Variants in ADGB observed in about 807,000 individuals in gnomAD.
ADGB encodes calpain-7-like protein.
Under a neutral mutation model 210.5 loss-of-function variants are expected in ADGB, and 172 were observed. That is an observed-to-expected ratio of 0.82 (90% CI 0.72 to 0.93). The LOEUF (loss-of-function observed/expected upper bound fraction) is 0.93. Ranked by LOEUF, ADGB falls within the 40% of genes least tolerant of loss-of-function variation. The pLI, the probability that ADGB is intolerant of heterozygous loss-of-function variation, is 0.00. For synonymous variants in ADGB, 658 were observed against 662.7 expected (o/e 0.99, Z 0.11); for missense variants, 2,025 against 1,964.8 (o/e 1.03, Z -0.58).
At chr6:146,696,147 C>T (rs1039596186) in intron 12 of ADGB, among the ~76,000 whole-genome samples, 9 of 151,684 alleles carry the variant, frequency 5.9e-5, no homozygotes, top group African/African-American at 2.2e-4. Context: ...GCAATCTTGG[C>T]TCACTGCAAC....
At position 146,700,893 on chromosome 6, in the gene ADGB, A is replaced by G. The variant is rs1282184426; in HGVS notation, c.1578-48A>G. On this transcript the variant is annotated intron_variant, in intron 12 of 35. Coordinates refer to ENST00000397944, the MANE Select transcript of ADGB (RefSeq NM_024694.4). ...ATGCAGTTATTTATTAATAACTTTA[A>G]ACAGAAGATCAAAATAACAGAAGTT... 2.6e-6 allele frequency: 4 copies of G among 1,525,750 alleles called. No homozygotes were observed. In the South Asian group the frequency reaches 3.7e-5, roughly 14 times the overall value. 94.5% of individuals were successfully genotyped at this position (1,525,750 alleles called of 1,614,324 possible).
chr6:146,606,848 T>C (rs976556153), intron 1 of ADGB, among the ~76,000 whole-genome samples: 15 of 152,160 alleles, frequency 9.9e-5, no homozygotes, highest in Non-Finnish European at 2.1e-4. Context: ...GCCTCCAGCT[T>C]TGTTCTTTTT....
intron 8 of ADGB, among the ~76,000 whole-genome samples, chr6:146,674,147 T>A (rs893834857): frequency 2.6e-5 from 4 of 152,080 alleles, no homozygotes; most frequent in Non-Finnish European, 4.4e-5. Context: ...TTACAATTTG[T>A]GATATGGAGG....
At chr6:146,738,550 C>G (rs756222877) in intron 23 of ADGB, among the ~76,000 whole-genome samples, 1 of 147,918 alleles carries the variant, frequency 6.8e-6, no homozygotes, top group Non-Finnish European at 1.5e-5. Context: ...CCTGGGTTCA[C>G]GCCATTCTCC....
At chr6:146,802,756 G>A (rs1736396866) in intron 35 of ADGB, 1 of 1,578,734 alleles carries the variant, frequency 6.3e-7, no homozygotes, top group African/African-American at 1.4e-5. Flanking sequence ...GTTCAGGGAT[G>A]TTTTGAAAAA....
At chr6:146,781,183 A>AG (rs1777794189) in intron 29 of ADGB, among the ~76,000 whole-genome samples, 1 of 146,364 alleles carries the variant, frequency 6.8e-6, no homozygotes, top group Non-Finnish European at 1.5e-5. Context: ...AAAAAAAAAA[A>AG]AAAAAAAAAA....
chr6:146,772,656 AATTT>A (rs1256501098), intron 29 of ADGB, among the ~76,000 whole-genome samples: 9 of 147,862 alleles, frequency 6.1e-5, no homozygotes, highest in Non-Finnish European at 1.0e-4. Context: ...TATTTGCCTA[AATTT>A]ATTTATTATA....
At chr6:146,690,193 G>T (rs144373189) in intron 10 of ADGB, among the ~76,000 whole-genome samples, 2 of 152,254 alleles carry the variant, frequency 1.3e-5, no homozygotes, top group East Asian at 3.9e-4. Flanking sequence ...GCAGTTTCCA[G>T]TTGAAGTAAT....
Position 146,625,424 on chromosome 6 carries a change from T to C in ADGB, c.75-9951T>C, listed in dbSNP as rs367787173. Among the ~76,000 whole-genome samples the C allele has an allele frequency of 7.2e-5, 11 of 152,236 alleles. No homozygotes were observed. In the East Asian group the frequency reaches 1.9e-3, roughly 27 times the overall value. On this transcript the variant is annotated intron_variant, in intron 1 of 35. Coordinates refer to ENST00000397944, the MANE Select transcript of ADGB (RefSeq NM_024694.4). ...ATATATTTTTTCATTCTTTTATTAT[T>C]GACATCTTTATAAAGTAGATTTCCT...
At chr6:146,800,763 C>A (rs2114664502) in intron 33 of ADGB, among the ~76,000 whole-genome samples, 1 of 152,174 alleles carries the variant, frequency 6.6e-6, no homozygotes, top group East Asian at 1.9e-4. Context: ...TAAAAAAAAT[C>A]TATTTATATC....
chr6:146,735,895 T>G (rs1347958974), intron 22 of ADGB, among the ~76,000 whole-genome samples: 1 of 152,208 alleles, frequency 6.6e-6, no homozygotes, highest in Non-Finnish European at 1.5e-5. Context: ...CTGATGAATC[T>G]TGTATTCTAG....
chr6:146,652,085 C>A (rs998854680), intron 3 of ADGB, among the ~76,000 whole-genome samples: 7 of 152,096 alleles, frequency 4.6e-5, no homozygotes, highest in Admixed American at 2.0e-4. Flanking sequence ...ATTAGGATGT[C>A]TGAAGATTTA....
chr6:146,790,418 C>T (rs1292238312), intron 33 of ADGB, among the ~76,000 whole-genome samples: 1 of 152,120 alleles, frequency 6.6e-6, no homozygotes, highest in Non-Finnish European at 1.5e-5. Flanking sequence ...TTTTTAGATT[C>T]CACATATAAA....
At chr6:146,808,276 A>G (rs1368558653) in intron 35 of ADGB, among the ~76,000 whole-genome samples, 1 of 152,208 alleles carries the variant, frequency 6.6e-6, no homozygotes, top group African/African-American at 2.4e-5. Context: ...CTGGGAATAC[A>G]GGCGTGAGCC....
At chr6:146,714,955 T>C (rs1776712324) in intron 13 of ADGB, among the ~76,000 whole-genome samples, 1 of 152,210 alleles carries the variant, frequency 6.6e-6, no homozygotes, top group African/African-American at 2.4e-5. Context: ...TTAAATTCCT[T>C]GTTAAAATTT....
chr6:146,640,136 A>G (rs559549163), intron 2 of ADGB, among the ~76,000 whole-genome samples: 2 of 152,038 alleles, frequency 1.3e-5, no homozygotes, highest in African/African-American at 4.8e-5. Flanking sequence ...AAACTCCTCT[A>G]TGCACACAAA....
At chr6:146,729,575 C>T (rs576380822) in intron 20 of ADGB, among the ~76,000 whole-genome samples, 44 of 152,112 alleles carry the variant, frequency 2.9e-4, no homozygotes, top group Non-Finnish European at 5.1e-4. Context: ...GCTAGGACTA[C>T]AGGCATGCAC....
chr6:146,754,000 T>C (rs1777364257), intron 27 of ADGB, among the ~76,000 whole-genome samples: 4 of 151,630 alleles, frequency 2.6e-5, no homozygotes, highest in South Asian at 4.2e-4. Flanking sequence ...AAAAAATTTA[T>C]TATATTTGTC....
At chr6:146,799,317 T>C (rs111981133) in intron 33 of ADGB, among the ~76,000 whole-genome samples, 6,492 of 151,738 alleles carry the variant, frequency 0.043, 165 homozygotes, top group Middle Eastern at 0.14. Context: ...AAAGATACAC[T>C]AACTGGGAAG....
Sources: allele counts gnomAD v4.1 joint callset (sites outside exome capture counted in the v4.1 genomes callset), GRCh38; gene constraint gnomAD v4.1.1; transcripts MANE v1.5; gene names NCBI Gene and HGNC (gene_info 2026-07-23, HGNC 2026-07-21).